CHKA: variants seen among roughly 807,000 people sequenced by gnomAD.
The protein encoded by CHKA is CHETK-alpha.
CHKA carries 34 observed loss-of-function variants against 60.1 expected under a neutral mutation model. The observed-to-expected ratio is 0.57, with a 90% CI of 0.43 to 0.75. The LOEUF (loss-of-function observed/expected upper bound fraction) is 0.75, where lower values mean the gene tolerates loss of function less well. CHKA is among the 30% of genes least tolerant of loss of function. The pLI, the probability that CHKA is intolerant of heterozygous loss-of-function variation, is 0.00. For missense variants in CHKA, 563 were observed against 561.3 expected, an observed-to-expected ratio of 1.00 and a Z score of -0.03; for synonymous variants, 217 against 223.1, an observed-to-expected ratio of 0.97 and a Z score of 0.24.
At chr11:68,062,107 G>A in intron 10 of CHKA, 73 bp from the exon 11 acceptor site, 3 of 1,052,118 alleles carry the variant, frequency 2.9e-6, no homozygotes, top group Non-Finnish European at 4.2e-6. Flanking sequence ...ATGATTTCAT[G>A]CCAGATGGAC....
At chr11:68,117,564 G>C (rs1403240679) in intron 1 of CHKA, among the ~76,000 whole-genome samples, 1 of 152,074 alleles carries the variant, frequency 6.6e-6, no homozygotes, top group African/African-American at 2.4e-5. Flanking sequence ...TGGTGCATCT[G>C]TAGTCCCAGC....
chr11:68,116,750 A>G (rs988786772), intron 1 of CHKA, among the ~76,000 whole-genome samples: 2 of 152,134 alleles, frequency 1.3e-5, no homozygotes, highest in Non-Finnish European at 2.9e-5. Context: ...GAAAATGCTA[A>G]TAACATACTA....
chr11:68,100,864 C>A (rs61890474), intron 1 of CHKA, among the ~76,000 whole-genome samples: 1 of 150,692 alleles, frequency 6.6e-6, no homozygotes, highest in Non-Finnish European at 1.5e-5. Context: ...CAGTGGTGCA[C>A]GCATCACTAA....
intron 2 of CHKA, among the ~76,000 whole-genome samples, chr11:68,090,828 A>G (rs1857327976): frequency 6.6e-6 from 1 of 152,218 alleles, no homozygotes; most frequent in East Asian, 1.9e-4. Context: ...TGCCTGTGAG[A>G]CCGCTCATAA....
intron 11 of CHKA, among the ~76,000 whole-genome samples, chr11:68,057,371 G>C (rs536182496): frequency 1.2e-4 from 19 of 152,310 alleles, no homozygotes; most frequent in East Asian, 5.8e-4. Flanking sequence ...CCAGGCCAGA[G>C]TGCAGTGGCA....
chr11:68,114,440 G>A (rs986771877), intron 1 of CHKA, among the ~76,000 whole-genome samples: 4 of 152,190 alleles, frequency 2.6e-5, no homozygotes, highest in African/African-American at 9.7e-5. Flanking sequence ...GCTCACCCCT[G>A]TAATTCCAAC....
chr11:68,113,142 A>C (rs868794754), intron 1 of CHKA, among the ~76,000 whole-genome samples: 10 of 150,426 alleles, frequency 6.6e-5, no homozygotes, highest in Non-Finnish European at 1.5e-4. Flanking sequence ...AAAACAATTA[A>C]ATTAAAATTT....
chr11:68,059,186 C>T (rs1343205873), intron 11 of CHKA, among the ~76,000 whole-genome samples: 6 of 152,230 alleles, frequency 3.9e-5, no homozygotes, highest in African/African-American at 1.2e-4. Context: ...TGAGCCACCG[C>T]GCCTGGCTGG....
chr11:68,073,630 G>A (rs1455322806), intron 4 of CHKA, among the ~76,000 whole-genome samples: 1 of 152,158 alleles, frequency 6.6e-6, no homozygotes, highest in Non-Finnish European at 1.5e-5. Flanking sequence ...CTGTCAACTA[G>A]AAGAGGATAC....
At chr11:68,062,878 C>T (rs1856300966) in intron 10 of CHKA, among the ~76,000 whole-genome samples, 1 of 152,102 alleles carries the variant, frequency 6.6e-6, no homozygotes, top group Non-Finnish European at 1.5e-5. Context: ...TGGGGGTGAG[C>T]ACTCTGGAGG....
chr11:68,059,363 T>C (rs908335687), intron 11 of CHKA, among the ~76,000 whole-genome samples: 7 of 152,330 alleles, frequency 4.6e-5, no homozygotes, highest in South Asian at 2.1e-4. Context: ...TGAAGAATTA[T>C]ATGAACTGAT....
chr11:68,099,361 G>C (rs1268253175), intron 1 of CHKA, among the ~76,000 whole-genome samples: 1 of 152,176 alleles, frequency 6.6e-6, no homozygotes, highest in Non-Finnish European at 1.5e-5. Flanking sequence ...TAAAAAATTT[G>C]AATGTGCTTC....
rs972263742 is a variant in CHKA at position 68,053,018 on chromosome 11, C to G, written c.*970G>C. 2 of 152,590 alleles carry G rather than the reference C, an allele frequency of 1.3e-5. No individual in the cohort carries two copies. Among genetic ancestry groups the G allele is most frequent in the Non-Finnish European group, 2.9e-5 (2 of 68,036 alleles). The allele number at this position is 152,590 out of a possible 1,614,324, so 9.5% of individuals were successfully genotyped here. A position where few individuals can be genotyped will look rare whatever the true frequency, so the allele number is the denominator to read the frequency against. On this transcript the variant is annotated 3_prime_UTR_variant, in exon 12 of 12. Transcript: ENST00000265689. ...TATGGATTTCACAGCTACACTCGAT[C>G]CACGCCCCACACCACATACAGGCTG... is the stretch of plus-strand genomic sequence containing the variant.
At chr11:68,094,526 G>A (rs1857441282) in intron 2 of CHKA, among the ~76,000 whole-genome samples, 1 of 152,190 alleles carries the variant, frequency 6.6e-6, no homozygotes, top group Non-Finnish European at 1.5e-5. Flanking sequence ...GGGTGGCAAA[G>A]TGAGATCCTG....
chr11:68,103,068 T>C (rs1000114152), intron 1 of CHKA, among the ~76,000 whole-genome samples: 98 of 152,274 alleles, frequency 6.4e-4, no homozygotes, highest in Non-Finnish European at 2.1e-4. Context: ...CCTAAGAGTT[T>C]GAGGCTGAAG....
chr11:68,073,775 A>C (rs1344644057), intron 4 of CHKA, among the ~76,000 whole-genome samples: 1 of 152,212 alleles, frequency 6.6e-6, no homozygotes. Flanking sequence ...GCTGGGCTCC[A>C]TCTGCACAGA....
intron 7 of CHKA, among the ~76,000 whole-genome samples, chr11:68,068,260 G>A (rs1454063305): frequency 6.6e-6 from 1 of 152,092 alleles, no homozygotes; most frequent in Non-Finnish European, 1.5e-5. Flanking sequence ...GGGGTAGGCA[G>A]TGGATCTTGT....
At chr11:68,062,616 A>C (rs934416676) in intron 10 of CHKA, among the ~76,000 whole-genome samples, 2 of 152,176 alleles carry the variant, frequency 1.3e-5, no homozygotes, top group Non-Finnish European at 2.9e-5. Flanking sequence ...GTTCCTCCTC[A>C]AACAATACCC....
intron 2 of CHKA, chr11:68,082,066 A>AAT (rs1857005645): frequency 6.6e-6 from 1 of 152,194 alleles, no homozygotes; most frequent in Non-Finnish European, 1.5e-5. Context: ...GTGTGTATTT[A>AAT]ATAAAGTCTC....
Sources: allele counts gnomAD v4.1 joint callset (sites outside exome capture counted in the v4.1 genomes callset), GRCh38; gene constraint gnomAD v4.1.1; transcripts MANE v1.5; gene names NCBI Gene and HGNC (gene_info 2026-07-23, HGNC 2026-07-21).